The following TBC1D23 variants were observed in gnomAD, a reference collection of about 807,000 sequenced individuals.
TBC1D23 encodes the protein TBC1 domain family member 23, also known as HCV non-structural protein 4A-transactivated protein 1.
TBC1D23 carries 55 observed loss-of-function variants against 91.4 expected under a neutral mutation model. The observed-to-expected ratio is 0.60, with a 90% confidence interval of 0.48 to 0.75. TBC1D23 has a LOEUF of 0.75. Ranked by LOEUF, TBC1D23 falls within the 30% of genes least tolerant of loss-of-function variation. The pLI is 0.00. For synonymous variants in TBC1D23, 289 were observed against 281.0 expected (o/e 1.03, Z -0.28); for missense variants, 725 against 836.1 (o/e 0.87, Z 1.64).
At chr3:100,296,377 G>T in intron 8 of TBC1D23, 102 bp downstream of exon 8, 38 of 640,124 alleles carry the variant, frequency 5.9e-5, no homozygotes, top group South Asian at 2.9e-4. Flanking sequence ...AATTTTTTCT[G>T]TTTCTTTATG....
chr3:100,276,507 T>G (rs1313313074), intron 1 of TBC1D23, among the ~76,000 whole-genome samples: 1 of 152,170 alleles, frequency 6.6e-6, no homozygotes, highest in Non-Finnish European at 1.5e-5. Context: ...AATTCATGCT[T>G]CCTTCTCCCA....
intron 2 of TBC1D23, among the ~76,000 whole-genome samples, chr3:100,281,064 G>A (rs569583160): frequency 1.3e-5 from 2 of 152,244 alleles, no homozygotes; most frequent in African/African-American, 4.8e-5. Context: ...GGAGGCTGAG[G>A]CAGGAGAATC....
chr3:100,293,554 G>A (rs538388490), intron 5 of TBC1D23, among the ~76,000 whole-genome samples: 26 of 152,256 alleles, frequency 1.7e-4, no homozygotes, highest in Admixed American at 3.9e-4. Flanking sequence ...GGTAACTTTC[G>A]TTGAGCTAAG....
chr3:100,281,424 C>CT (rs2067693579), intron 2 of TBC1D23, among the ~76,000 whole-genome samples: 1 of 151,956 alleles, frequency 6.6e-6, no homozygotes. Context: ...CACAGATGTA[C>CT]TTTTTCTTTG....
intron 15 of TBC1D23, among the ~76,000 whole-genome samples, chr3:100,315,562 C>T (rs1248478393): frequency 1.3e-5 from 2 of 152,100 alleles, no homozygotes; most frequent in Non-Finnish European, 2.9e-5. Context: ...TGAAGATAAC[C>T]CTTAAGACAC....
intron 4 of TBC1D23, among the ~76,000 whole-genome samples, chr3:100,286,568 G>A (rs371593432): frequency 7.9e-4 from 120 of 151,766 alleles, no homozygotes; most frequent in South Asian, 2.7e-3. Context: ...CACAGTCTCA[G>A]CCCACTGCAA....
chr3:100,323,723 T>TA lies in TBC1D23; in HGVS notation c.*56dup. The TA allele has an allele frequency of 1.1e-6, 1 of 889,476 alleles. No individual in the cohort carries two copies. Among genetic ancestry groups the TA allele is most frequent in the Non-Finnish European group, 1.6e-6 (1 of 628,730 alleles). The allele number at this position is 889,476 out of a possible 1,614,324, so 55.1% of individuals were successfully genotyped here. ...AAGACAACCAAGAGAAACATGGACA[T>TA]ATACCTCCTGACTGAATACTAACTG... On this transcript the variant is annotated 3_prime_UTR_variant, in exon 19 of 19. Transcript: ENST00000394144.
At chr3:100,321,434 C>T (rs1705856597) in intron 18 of TBC1D23, among the ~76,000 whole-genome samples, 1 of 152,146 alleles carries the variant, frequency 6.6e-6, no homozygotes, top group South Asian at 2.1e-4. Context: ...CAGACTGGCC[C>T]AAGAGCTGTG....
At chr3:100,269,483 G>T (rs2067584078) in intron 1 of TBC1D23, among the ~76,000 whole-genome samples, 1 of 152,124 alleles carries the variant, frequency 6.6e-6, no homozygotes, top group African/African-American at 2.4e-5. Context: ...GTTCTCACAA[G>T]ACTTTAAGTT....
chr3:100,291,027 A>G (rs1026166583), intron 5 of TBC1D23, among the ~76,000 whole-genome samples: 4 of 152,240 alleles, frequency 2.6e-5, no homozygotes, highest in African/African-American at 7.2e-5. Flanking sequence ...AATATATGAT[A>G]CATATATCAG....
intron 1 of TBC1D23, chr3:100,267,361 C>A: frequency 3.3e-6 from 1 of 305,968 alleles, no homozygotes; most frequent in South Asian, 2.5e-5. Context: ...TTTCAAGGGT[C>A]TGCGTAACTT....
intron 1 of TBC1D23, among the ~76,000 whole-genome samples, chr3:100,263,644 C>G (rs191151480): frequency 1.2e-4 from 18 of 152,296 alleles, no homozygotes; most frequent in African/African-American, 3.9e-4. Context: ...ATTAAATGCA[C>G]CTTTTAAGAA....
At chr3:100,316,770 G>A (rs1576187461) in intron 16 of TBC1D23, among the ~76,000 whole-genome samples, 1 of 152,192 alleles carries the variant, frequency 6.6e-6, no homozygotes, top group East Asian at 1.9e-4. Flanking sequence ...TGTCAGGGAA[G>A]TTTATCTTCT....
intron 2 of TBC1D23, 65 bp from the exon 3 acceptor site, chr3:100,281,677 C>T (rs764726936): frequency 6.0e-6 from 6 of 999,766 alleles, no homozygotes; most frequent in South Asian, 1.4e-5. Context: ...TTAATTATTA[C>T]AGCATATTTT....
chr3:100,291,474 T>C (rs1179554256), intron 5 of TBC1D23, among the ~76,000 whole-genome samples: 1 of 151,322 alleles, frequency 6.6e-6, no homozygotes, highest in African/African-American at 2.4e-5. Context: ...CCCAGCTACT[T>C]GGGAGGCTGA....
chr3:100,319,055 T>G lies in TBC1D23; in HGVS notation c.1688-14T>G. The G allele has an allele frequency of 6.6e-7, 1 of 1,504,392 alleles. No individual in the cohort carries two copies. Among genetic ancestry groups the G allele is most frequent in the Admixed American group, 2.0e-5 (1 of 50,818 alleles). The allele number at this position is 1,504,392 out of a possible 1,614,324, so 93.2% of individuals were successfully genotyped here. ...TTGGTAATATCCATATTTAATACTT[T>G]GTATTTTTTATAGATGAAATTGACA... On this transcript the variant is annotated splice_polypyrimidine_tract_variant and intron_variant, in intron 16 of 18. Coordinates refer to ENST00000394144, the MANE Select transcript of TBC1D23 (RefSeq NM_001199198.3).
chr3:100,318,974 C>G (rs2148873362), intron 16 of TBC1D23, 95 bp from the exon 17 acceptor site: 1 of 781,624 alleles, frequency 1.3e-6, no homozygotes, highest in South Asian at 2.0e-5. Flanking sequence ...CAATCCATAT[C>G]TTCAAAATAC....
chr3:100,312,246 A>T (rs940593141), intron 15 of TBC1D23, among the ~76,000 whole-genome samples: 1 of 152,336 alleles, frequency 6.6e-6, no homozygotes, highest in East Asian at 1.9e-4. Context: ...TCTCCCGCCT[A>T]GCAGCAGAGA....
At chr3:100,300,710 G>C (rs1201072953) in intron 10 of TBC1D23, among the ~76,000 whole-genome samples, 1 of 151,804 alleles carries the variant, frequency 6.6e-6, no homozygotes, top group Non-Finnish European at 1.5e-5. Flanking sequence ...ATGTTGGCCA[G>C]GCTGGTCTCA....
Sources: allele counts gnomAD v4.1 joint callset (sites outside exome capture counted in the v4.1 genomes callset), GRCh38; gene constraint gnomAD v4.1.1; transcripts MANE v1.5; gene names NCBI Gene and HGNC (gene_info 2026-07-23, HGNC 2026-07-21).